The following CAMKK1 variants were observed in gnomAD, a reference collection of about 807,000 sequenced individuals.
CAMKK1 encodes the protein calcium/calmodulin dependent protein kinase kinase 1.
In CAMKK1, 20 loss-of-function variants were observed where a neutral mutation model predicts 63.5. The observed-to-expected ratio is 0.32, with a 90% CI of 0.22 to 0.46. The LOEUF (loss-of-function observed/expected upper bound fraction) is 0.46, where lower values mean the gene tolerates loss of function less well. Ranked by LOEUF, CAMKK1 falls within the 20% of genes least tolerant of loss-of-function variation. The pLI is 1.00. For missense variants in CAMKK1, 588 were observed against 658.1 expected, an observed-to-expected ratio of 0.89 and a Z score of 1.17; for synonymous variants, 253 against 269.0, an observed-to-expected ratio of 0.94 and a Z score of 0.58.
chr17:3,882,671 C>A lies in CAMKK1; in HGVS notation c.649-107G>T. 1 of 1,041,788 alleles carries A rather than the reference C, an allele frequency of 9.6e-7. No homozygotes were observed. Among genetic ancestry groups the A allele is most frequent in the Non-Finnish European group, 1.4e-6 (1 of 690,000 alleles). 64.5% of individuals were successfully genotyped at this position (1,041,788 alleles called of 1,614,324 possible). On this transcript the variant is annotated intron_variant, in intron 6 of 15. Transcript: ENST00000348335. This position sits in a 1 kb window ranked among gnomAD's most constrained non-coding sequence, Gnocchi z 4.3. ...CCCAGAACCCTTAGTATGCATGCAA[C>A]CACCCCAGACAAGGAAGCAGGAAGT...
intron 1 of CAMKK1, among the ~76,000 whole-genome samples, chr17:3,891,703 T>C (rs2055909680): frequency 6.6e-6 from 1 of 152,024 alleles, no homozygotes; most frequent in African/African-American, 2.4e-5. Context: ...CTAGAGGAGG[T>C]GGCACCTGAG....
In CAMKK1 at chr17:3,884,466, G is replaced by A. The variant is rs368597619; in HGVS notation, c.361-39C>T. ...GCGAGCACCAGGTGGAGCTGGGTCC[G>A]GAGGCAGCACTGCTCCTACCTCAGA... On this transcript the variant is annotated intron_variant, in intron 2 of 15. Transcript: ENST00000348335. This position sits in a 1 kb window ranked among gnomAD's most constrained non-coding sequence, Gnocchi z 4.5. 9.4e-6 allele frequency: 15 copies of A among 1,603,088 alleles called. No homozygotes were observed. Among genetic ancestry groups the A allele is most frequent in the South Asian group, 4.4e-5 (4 of 90,596 alleles).
Position 3,883,175 on chromosome 17 carries a change from C to T in CAMKK1, c.515G>A (p.Arg172His). The stretch of plus-strand genomic sequence containing the variant: ...CTGGGACCCTCTCGGGGGAGGGCGA[C>T]CTGTGACCAGGAAGAGAACTCAAAC... Reference protein sequence around the residue: ...KKLLKQYGFPRRPPPRGSQAA... With the variant: ...KKLLKQYGFPHRPPPRGSQAA... The change falls in exon 6 of 16, where the codon CGT becomes CAT. Residue 172 changes from arginine (R) to histidine (H), a missense_variant and splice_region_variant. Arg to His is a conservative substitution (Grantham distance 29). This residue lies in a region of CAMKK1 where 357 missense variants were observed against 407.4 expected (regional missense o/e 0.88). Coordinates refer to ENST00000348335, the MANE Select transcript of CAMKK1 (RefSeq NM_032294.3). The surrounding 1 kb of genome is among the most constrained non-coding windows in gnomAD (Gnocchi z 4.7). 6.2e-7 allele frequency: 1 copy of T among 1,609,660 alleles called. No individual in the cohort carries two copies. The highest frequency in any genetic ancestry group is 8.5e-7 in the Non-Finnish European group (1 of 1,179,930).
chr17:3,874,750 C>G (rs2055063498), intron 10 of CAMKK1, among the ~76,000 whole-genome samples: 1 of 151,716 alleles, frequency 6.6e-6, no homozygotes, highest in African/African-American at 2.4e-5. Context: ...CTCAGGTGAT[C>G]CACCTACCTT....
At chr17:3,868,560 T>C (rs1170411349) in intron 14 of CAMKK1, among the ~76,000 whole-genome samples, 1 of 152,200 alleles carries the variant, frequency 6.6e-6, no homozygotes, top group African/African-American at 2.4e-5. Flanking sequence ...CCTTGTGCAG[T>C]GCCTGGAGAA....
At position 3,869,842 on chromosome 17, in the gene CAMKK1, C is replaced by T. The variant is rs376135046; in HGVS notation, c.1171G>A (p.Asp391Asn). 45 of 1,614,128 alleles carry T rather than the reference C, an allele frequency of 2.8e-5. No individual in the cohort carries two copies. The highest frequency in any genetic ancestry group is 3.4e-5 in the Non-Finnish European group (40 of 1,180,056). Reference sequence around the variant, plus strand: ...CCAATTCTCGTCTCGGGATTCTTGTCTAACATCTTCAGGATCAGGTCCTTG... The same window carrying T: ...CCAATTCTCGTCTCGGGATTCTTGTTTAACATCTTCAGGATCAGGTCCTTG... ...ELKDLILKMLDKNPETRIGVP... is the reference protein window; with the variant it reads ...ELKDLILKMLNKNPETRIGVP... Residue 391 changes from aspartate (D) to asparagine (N), a missense_variant, in exon 13 of 16, where the codon GAC (aspartate) becomes AAC (asparagine). This residue lies in a region of CAMKK1 where 226 missense variants were observed against 229.2 expected (regional missense o/e 0.99). Coordinates refer to ENST00000348335, the MANE Select transcript of CAMKK1 (RefSeq NM_032294.3).
At position 3,868,179 on chromosome 17, in the gene CAMKK1, AGAAG is replaced by A. The variant is rs2054637713; in HGVS notation, c.1341+1304_1341+1307del. Among the ~76,000 whole-genome samples, 18 of 4,430 alleles carry A rather than the reference AGAAG, an allele frequency of 4.1e-3. 6 individuals carry two copies. Among genetic ancestry groups the A allele is most frequent in the South Asian group, 0.022 (2 of 90 alleles). The allele number at this position is 4,430 out of a possible 152,430, so 2.9% of individuals were successfully genotyped here. A position where few individuals can be genotyped will look rare whatever the true frequency, so the allele number is the denominator to read the frequency against. On this transcript the variant is annotated intron_variant, in intron 14 of 15. Coordinates refer to ENST00000348335, the MANE Select transcript of CAMKK1 (RefSeq NM_032294.3). ...CTAACTGATACGTGGGCTCTGGGGGAGAAGCAGGCGCCGTCTAACTGATACGTGG... is the reference window on the plus strand; with the variant it reads ...CTAACTGATACGTGGGCTCTGGGGGACAGGCGCCGTCTAACTGATACGTGG...
rs2054635571 is a variant in CAMKK1 at position 3,868,164 on chromosome 17, CGTGGGCTCTGGGGG to C, written c.1341+1309_1341+1322del. Among the ~76,000 whole-genome samples the C allele has an allele frequency of 2.2e-3, 20 of 9,242 alleles. 7 individuals are homozygous for C. The highest frequency in any genetic ancestry group is 9.8e-3 in the African/African-American group (12 of 1,230). The allele number at this position is 9,242 out of a possible 152,430, so 6.1% of individuals were successfully genotyped here. A position where few individuals can be genotyped will look rare whatever the true frequency, so the allele number is the denominator to read the frequency against. On this transcript the variant is annotated intron_variant, in intron 14 of 15. Coordinates refer to ENST00000348335, the MANE Select transcript of CAMKK1 (RefSeq NM_032294.3). ...AGAAGCAGGCGCCGTCTAACTGATA[CGTGGGCTCTGGGGG>C]AGAAGCAGGCGCCGTCTAACTGATA...
chr17:3,871,504 G>A (rs146182942), intron 12 of CAMKK1, among the ~76,000 whole-genome samples: 23,123 of 149,616 alleles, frequency 0.15, 4,696 homozygotes, highest in African/African-American at 0.46. Context: ...ACAGGCACCC[G>A]CCACCACGCC....
At chr17:3,876,483 AC>A in intron 9 of CAMKK1, 61 bp from the exon 10 acceptor site, 2 of 1,462,608 alleles carry the variant, frequency 1.4e-6, no homozygotes, top group Non-Finnish European at 1.9e-6. Flanking sequence ...AGGACCCCAC[AC>A]CCGTCCTTGC....
rs772950608 is a variant in CAMKK1 at position 3,872,615 on chromosome 17, C to T, written c.1063G>A (p.Asp355Asn). ...CFVYGKCPFI[D>N]DFILALHRKI... is the part of the protein sequence containing the mutation. Reference sequence around the variant, plus strand: ...CTGTGGAGGGCCAGGATGAAATCGTCGATGAATGGGCACTGTGGGGTGGAG... The same window carrying T: ...CTGTGGAGGGCCAGGATGAAATCGTTGATGAATGGGCACTGTGGGGTGGAG... The change falls in exon 12 of 16, where the codon GAC (aspartate) becomes AAC (asparagine). Residue 355 changes from aspartate to asparagine, a missense_variant. Asp to Asn is a conservative substitution (Grantham distance 23, BLOSUM62 1). Transcript: ENST00000348335. 6.2e-6 allele frequency: 10 copies of T among 1,613,832 alleles called. No homozygotes were observed. The highest frequency in any genetic ancestry group is 2.7e-5 in the African/African-American group (2 of 74,922).
In CAMKK1 at chr17:3,864,133, T is replaced by C. The variant is rs34892928; in HGVS notation, c.1445+1775A>G. On this transcript the variant is annotated intron_variant, in intron 15 of 15. Coordinates refer to ENST00000348335, the MANE Select transcript of CAMKK1 (RefSeq NM_032294.3). ...ACGCCCGGCTAATTTTTTTTTTTTT[T>C]AGAGATGGGGTCTTGCTATGTTGCC... Among the ~76,000 whole-genome samples the C allele has an allele frequency of 9.3e-4, 141 of 151,058 alleles. 4 individuals carry two copies. The South Asian group carries it at 0.011, about 12-fold the overall frequency.
Position 3,866,018 on chromosome 17 carries a change from A to G in CAMKK1, c.1342-7T>C. The G allele has an allele frequency of 6.2e-7, 1 of 1,613,674 alleles. No individual in the cohort carries two copies. Among genetic ancestry groups the G allele is most frequent in the Middle Eastern group, 1.7e-4 (1 of 6,040 alleles). The stretch of plus-strand genomic sequence containing the variant: ...GCATGGACTTCACCAGGATCTGAGG[A>G]GGACAAGGCAGCGTGAGGAGCACAG... On this transcript the variant is annotated splice_polypyrimidine_tract_variant and splice_region_variant and intron_variant, in intron 14 of 15. Coordinates refer to ENST00000348335, the MANE Select transcript of CAMKK1 (RefSeq NM_032294.3).
intron 1 of CAMKK1, among the ~76,000 whole-genome samples, chr17:3,886,792 C>A (rs1216738082): frequency 6.6e-6 from 1 of 152,092 alleles, no homozygotes; most frequent in Non-Finnish European, 1.5e-5. Context: ...TACATCCTGA[C>A]CCCGGACTGA....
intron 10 of CAMKK1, among the ~76,000 whole-genome samples, chr17:3,873,682 A>G (rs4790546): frequency 0.86 from 130,488 of 152,162 alleles, 55,975 homozygotes; most frequent in South Asian, 0.92. Flanking sequence ...GGGGTTCTGG[A>G]TTTCCTTGGG....
chr17:3,869,435 C>G, intron 14 of CAMKK1, 52 bp downstream of exon 14: 1 of 1,609,736 alleles, frequency 6.2e-7, no homozygotes, highest in East Asian at 2.2e-5. Context: ...GAGCAAGGCT[C>G]AGGTCCCCCA....
rs190437811 is a variant in CAMKK1, at chr17:3,879,908, T to C, written c.796+438A>G. The C allele has an allele frequency of 5.3e-5, 9 of 169,522 alleles. No individual in the cohort carries two copies. Among genetic ancestry groups the C allele is most frequent in the Admixed American group, 1.2e-4 (2 of 16,680 alleles). The allele number at this position is 169,522 out of a possible 1,614,324, so 10.5% of individuals were successfully genotyped here. A position where few individuals can be genotyped will look rare whatever the true frequency, so the allele number is the denominator to read the frequency against. On this transcript the variant is annotated intron_variant, in intron 9 of 15. Coordinates refer to ENST00000348335, the MANE Select transcript of CAMKK1 (RefSeq NM_032294.3). This position sits in a 1 kb window ranked among gnomAD's most constrained non-coding sequence, Gnocchi z 4.5. ...AAATGAGACAGAGGCCAAGCTCACA[T>C]CACCCTCCTGAGCTCTTATCAGACT...
At chr17:3,875,505 T>A (rs1026693813) in intron 10 of CAMKK1, among the ~76,000 whole-genome samples, 3 of 151,976 alleles carry the variant, frequency 2.0e-5, no homozygotes, top group African/African-American at 7.3e-5. Context: ...CAGGCTCATC[T>A]CAAATTCCTA....
In CAMKK1 at chr17:3,869,626, C is replaced by T. The variant is rs2054750201; in HGVS notation, c.1213-11G>A. ...CACCCAAGGGTGCAACTGTCGGGGC[C>T]GGGAGGGCAGGGAGAGGGGGAGAGG... On this transcript the variant is annotated splice_polypyrimidine_tract_variant and intron_variant, in intron 13 of 15. Coordinates refer to ENST00000348335, the MANE Select transcript of CAMKK1 (RefSeq NM_032294.3). 20 of 1,613,966 alleles carry T rather than the reference C, an allele frequency of 1.2e-5. No homozygotes were observed. The highest frequency in any genetic ancestry group is 2.2e-5 in the East Asian group (1 of 44,894).
Sources: gnomAD v4.1 joint callset for allele counts (sites outside exome capture counted in the v4.1 genomes callset) on GRCh38, gnomAD v4.1.1 for gene constraint, gnomAD v4.1.1 regional missense constraint, Gnocchi (gnomAD v3.1) non-coding constraint, MANE v1.5 for transcripts, NCBI Gene and HGNC (gene_info 2026-07-23, HGNC 2026-07-21) for gene names.